Variants in APOBEC3B observed in about 807,000 individuals in gnomAD.
APOBEC3B encodes apolipoprotein B mRNA editing enzyme catalytic subunit 3B, also known as DNA dC->dU-editing enzyme APOBEC-3B.
A neutral mutation model predicts 53.4 loss-of-function variants in APOBEC3B; 29 were observed. The observed-to-expected ratio is 0.54, with a 90% confidence interval of 0.40 to 0.74. APOBEC3B has a LOEUF of 0.74. Ranked by LOEUF, APOBEC3B falls within the 30% of genes least tolerant of loss-of-function variation. The probability of loss-of-function intolerance (pLI) is 0.00; values close to 1 mark genes in which losing one functional copy is unlikely to be tolerated. For missense variants in APOBEC3B, 347 were observed against 496.2 expected (o/e 0.70, Z 2.86); for synonymous variants, 132 against 184.8 (o/e 0.71, Z 2.32).
chr22:38,986,955 G>C (rs1169047810), intron 4 of APOBEC3B, among the ~76,000 whole-genome samples: 1 of 148,574 alleles, frequency 6.7e-6, no homozygotes, highest in Non-Finnish European at 1.5e-5. Flanking sequence ...GGGGTCCCTG[G>C]GATGATTCCT....
Position 38,986,985 on chromosome 22 carries a change from C to T in APOBEC3B, c.569+573C>T, listed in dbSNP as rs73419950. Among the ~76,000 whole-genome samples the T allele has an allele frequency of 9.8e-3, 1,455 of 148,658 alleles. 91 individuals carry two copies. Among genetic ancestry groups the T allele is most frequent in the African/African-American group, 0.034 (1,401 of 40,940 alleles). Reference sequence around the variant, plus strand: ...ATTCCTGAGGGCAGGATCCAGGGGTCCCTCCAGATGTCCTCCCATCCAGGT... The same window carrying T: ...ATTCCTGAGGGCAGGATCCAGGGGTTCCTCCAGATGTCCTCCCATCCAGGT... On this transcript the variant is annotated intron_variant, in intron 4 of 7. Transcript: ENST00000333467.
At position 38,992,572 on chromosome 22, in the gene APOBEC3B, C is replaced by A. The variant is rs551840824; in HGVS notation, c.*127C>A. The A allele has an allele frequency of 8.1e-6, 13 of 1,601,772 alleles. No homozygotes were observed. Among genetic ancestry groups the A allele is most frequent in the Admixed American group, 5.1e-5 (3 of 58,480 alleles). On this transcript the variant is annotated 3_prime_UTR_variant, in exon 8 of 8. Coordinates refer to ENST00000333467, the MANE Select transcript of APOBEC3B (RefSeq NM_004900.5). ...CAGCTGCTCACAGACACCAGCAAAGCAATGTGCTCCTGATCAAGTAGATTT... is the reference window on the plus strand; with the variant it reads ...CAGCTGCTCACAGACACCAGCAAAGAAATGTGCTCCTGATCAAGTAGATTT...
chr22:38,989,393 A>G lies in APOBEC3B; in HGVS notation c.570-64A>G, dbSNP rs888979182. The G allele has an allele frequency of 1.0e-5, 15 of 1,431,508 alleles. No homozygotes were observed. The African/African-American group carries it at 1.8e-4, about 17-fold the overall frequency. 88.7% of individuals were successfully genotyped at this position (1,431,508 alleles called of 1,614,324 possible). A position where few individuals can be genotyped will look rare whatever the true frequency, so the allele number is the denominator to read the frequency against. ...AGGGAAGGAGTGGGGGGTGCAGGAG[A>G]GGAGCGAGAGGTAGTCCCAGGAGGA... On this transcript the variant is annotated intron_variant, in intron 4 of 7. Coordinates refer to ENST00000333467, the MANE Select transcript of APOBEC3B (RefSeq NM_004900.5).
chr22:38,991,253 C>G, intron 5 of APOBEC3B, 79 bp from the exon 6 acceptor site: 1 of 1,409,896 alleles, frequency 7.1e-7, no homozygotes, highest in Non-Finnish European at 9.8e-7. Context: ...TGGAGGCCCC[C>G]GCCTCCCCAG....
intron 5 of APOBEC3B, among the ~76,000 whole-genome samples, chr22:38,990,202 C>A (rs1923938555): frequency 2.0e-5 from 3 of 148,272 alleles, no homozygotes; most frequent in Admixed American, 6.9e-5. Context: ...AGGCCAAGTT[C>A]TGCTTGGCTC....
In APOBEC3B at chr22:38,991,376, G is replaced by A; in HGVS notation, c.768G>A (p.Leu256=). The change falls in exon 6 of 8, where the codon CTG becomes CTA. Residue 256 remains leucine (L), a synonymous_variant. Transcript: ENST00000333467. ...LCGFYGRHAE[L]RFLDLVPSLQ... Reference sequence around the variant, plus strand: ...GCTTTTACGGCCGCCATGCGGAGCTGCGCTTCTTGGACCTGGTTCCTTCTT... The same window carrying A: ...GCTTTTACGGCCGCCATGCGGAGCTACGCTTCTTGGACCTGGTTCCTTCTT... 1.3e-6 allele frequency: 2 copies of A among 1,556,752 alleles called. No homozygotes were observed. The highest frequency in any genetic ancestry group is 1.8e-6 in the Non-Finnish European group (2 of 1,141,682).
Position 38,992,720 on chromosome 22 carries a change from G to T in APOBEC3B, c.*275G>T. 1.1e-6 allele frequency: 1 copy of T among 877,344 alleles called. No individual in the cohort carries two copies. Among genetic ancestry groups the T allele is most frequent in the Non-Finnish European group, 1.7e-6 (1 of 587,468 alleles). The allele number at this position is 877,344 out of a possible 1,614,324, so 54.3% of individuals were successfully genotyped here. On this transcript the variant is annotated 3_prime_UTR_variant, in exon 8 of 8. Transcript: ENST00000333467. ...AATGTATTAATGAAGTGATTAATTG[G>T]CTCCATATTTAGACTAATAAAACAT...
Position 38,992,628 on chromosome 22 carries a change from G to T in APOBEC3B, c.*183G>T. The T allele has an allele frequency of 6.8e-7, 1 of 1,473,198 alleles. No homozygotes were observed. The highest frequency in any genetic ancestry group is 1.4e-5 in the South Asian group (1 of 72,060). 91.3% of individuals were successfully genotyped at this position (1,473,198 alleles called of 1,614,324 possible). ...AAATCAGAGTCAATTAATTTTAATT[G>T]AAAATTTCTCTTATGTTCCAAGTGT... On this transcript the variant is annotated 3_prime_UTR_variant, in exon 8 of 8. Transcript: ENST00000333467.
intron 7 of APOBEC3B, 137 bp from the exon 8 acceptor site, chr22:38,992,294 C>G: frequency 6.5e-7 from 1 of 1,535,656 alleles, no homozygotes; most frequent in Non-Finnish European, 8.8e-7. Context: ...CCCTTTCCTT[C>G]TCACAGCCTC....
Position 38,986,294 on chromosome 22 carries a change from T to A in APOBEC3B, c.455-4T>A, listed in dbSNP as rs1408834978. Reference sequence around the variant, plus strand: ...CCTGACTGCTTCCCGCTTCTTCATCTCAGAATTTGCATACTGCTGGGAAAA... The same window carrying A: ...CCTGACTGCTTCCCGCTTCTTCATCACAGAATTTGCATACTGCTGGGAAAA... On this transcript the variant is annotated splice_polypyrimidine_tract_variant and splice_region_variant and intron_variant, in intron 3 of 7. Transcript: ENST00000333467. 9 of 1,592,732 alleles carry A rather than the reference T, an allele frequency of 5.7e-6. 1 individual carries two copies. Among genetic ancestry groups the A allele is most frequent in the Non-Finnish European group, 7.7e-6 (9 of 1,171,988 alleles).
At chr22:38,989,815 G>T (rs867129484) in intron 5 of APOBEC3B, among the ~76,000 whole-genome samples, 3 of 148,502 alleles carry the variant, frequency 2.0e-5, no homozygotes, top group African/African-American at 7.4e-5. Flanking sequence ...TCTGCCCAAT[G>T]GCAAAGTGCT....
At position 38,987,902 on chromosome 22, in the gene APOBEC3B, G is replaced by A. The variant is rs907787855; in HGVS notation, c.569+1490G>A. 8.1e-5 allele frequency among the ~76,000 whole-genome samples: 12 copies of A among 148,480 alleles called. 1 individual carries two copies. The highest frequency in any genetic ancestry group is 1.8e-4 in the Non-Finnish European group (12 of 67,306). ...ACTTGAGGTCAGGAGTTGGAGATCT[G>A]CCTGGCCAGCGTGGCAAAACCTCCT... On this transcript the variant is annotated intron_variant, in intron 4 of 7. Coordinates refer to ENST00000333467, the MANE Select transcript of APOBEC3B (RefSeq NM_004900.5).
At chr22:38,986,942 G>A (rs1162038504) in intron 4 of APOBEC3B, among the ~76,000 whole-genome samples, 1 of 29,254 alleles carries the variant, frequency 3.4e-5, no homozygotes, top group Non-Finnish European at 6.7e-5. Context: ...GCTGGGGACG[G>A]GGGGGGTCCC....
intron 2 of APOBEC3B, among the ~76,000 whole-genome samples, chr22:38,984,484 G>C (rs1412048479): frequency 6.7e-6 from 1 of 148,926 alleles, no homozygotes; most frequent in Non-Finnish European, 1.5e-5. Flanking sequence ...AGCATAACTT[G>C]GGGCCTTCTA....
chr22:38,990,766 T>C (rs1923959759), intron 5 of APOBEC3B, among the ~76,000 whole-genome samples: 1 of 145,648 alleles, frequency 6.9e-6, no homozygotes, highest in South Asian at 2.3e-4. Flanking sequence ...CAGGTCAATC[T>C]CCCCTTGAAG....
At position 38,992,059 on chromosome 22, in the gene APOBEC3B, T is replaced by C. The variant is rs771736211; in HGVS notation, c.1044T>C (p.Phe348=). The C allele has an allele frequency of 6.3e-6, 10 of 1,589,698 alleles. No individual in the cohort carries two copies. The African/African-American group carries it at 1.1e-4, about 17-fold the overall frequency. ...AGTTTGAGTACTGCTGGGACACCTTTGTGTACCGCCAGGGATGTCCCTTCC... is the reference window on the plus strand; with the variant it reads ...AGTTTGAGTACTGCTGGGACACCTTCGTGTACCGCCAGGGATGTCCCTTCC... ...YDEFEYCWDT[F]VYRQGCPFQP... is the part of the protein sequence containing the mutation. The change falls in exon 7 of 8, where the codon TTT becomes TTC. Residue 348 remains phenylalanine (F), a synonymous_variant. Coordinates refer to ENST00000333467, the MANE Select transcript of APOBEC3B (RefSeq NM_004900.5).
rs1251136568 is a variant in APOBEC3B at position 38,988,723 on chromosome 22, T to C, written c.570-734T>C. Among the ~76,000 whole-genome samples, 965 of 116,786 alleles carry C rather than the reference T, an allele frequency of 8.3e-3. 37 individuals carry two copies. Among genetic ancestry groups the C allele is most frequent in the Non-Finnish European group, 8.8e-3 (491 of 55,656 alleles). 76.6% of individuals were successfully genotyped at this position (116,786 alleles called of 152,430 possible). On this transcript the variant is annotated intron_variant, in intron 4 of 7. Coordinates refer to ENST00000333467, the MANE Select transcript of APOBEC3B (RefSeq NM_004900.5). ...TTTCTTTCTTTCTTTCTTTCTTTCT[T>C]TCTTTCTTTCTTTCTTTCTTTCTTC...
intron 5 of APOBEC3B, 116 bp from the exon 6 acceptor site, chr22:38,991,216 G>A: frequency 7.2e-7 from 1 of 1,394,642 alleles, no homozygotes; most frequent in Middle Eastern, 2.5e-4. Context: ...AATAACCGGG[G>A]TTTTGGCGAC....
At chr22:38,992,264 G>A in intron 7 of APOBEC3B, 115 bp downstream of exon 7, 1 of 1,539,428 alleles carries the variant, frequency 6.5e-7, no homozygotes, top group Non-Finnish European at 8.8e-7. Flanking sequence ...GCTCCCCACA[G>A]GGCGCCCAGC....
Sources: allele counts gnomAD v4.1 joint callset (sites outside exome capture counted in the v4.1 genomes callset), GRCh38; gene constraint gnomAD v4.1.1; transcripts MANE v1.5; gene names NCBI Gene and HGNC (gene_info 2026-07-23, HGNC 2026-07-21).